COL18A1: variants seen among roughly 807,000 people sequenced by gnomAD.
COL18A1 encodes the protein collagen type XVIII alpha 1 chain, also known as collagen alpha-1(XVIII) chain.
A neutral mutation model predicts 168.0 loss-of-function variants in COL18A1; 133 were observed. That is an observed-to-expected ratio of 0.79 (90% confidence interval 0.69 to 0.91). The LOEUF (loss-of-function observed/expected upper bound fraction) is 0.91, where lower values mean the gene tolerates loss of function less well. Ranked by LOEUF, COL18A1 falls within the 40% of genes least tolerant of loss-of-function variation. The probability of loss-of-function intolerance (pLI) is 0.00; values close to 1 mark genes in which losing one functional copy is unlikely to be tolerated. For missense variants in COL18A1, 2,126 were observed against 1,925.4 expected (o/e 1.10, Z -1.95); for synonymous variants, 949 against 809.0 (o/e 1.17, Z -2.94).
chr21:45,504,936 T>G (rs2037101015), intron 34 of COL18A1, among the ~76,000 whole-genome samples, 198 bp from the exon 35 acceptor site: 1 of 151,932 alleles, frequency 6.6e-6, no homozygotes, highest in South Asian at 2.1e-4. Flanking sequence ...TGCTGGTCTC[T>G]CCCCCGGGAT....
At chr21:45,462,493 A>G (rs559171508) in intron 2 of COL18A1, among the ~76,000 whole-genome samples, 13 of 152,106 alleles carry the variant, frequency 8.5e-5, no homozygotes, top group South Asian at 8.3e-4. Context: ...CTTATCTTCA[A>G]GCTCATTAAT....
intron 40 of COL18A1, among the ~76,000 whole-genome samples, 178 bp from the exon 41 acceptor site, chr21:45,510,932 CA>C (rs10718078): frequency 0.014 from 2,007 of 141,938 alleles, 42 homozygotes; most frequent in African/African-American, 0.038. Context: ...CCCCACCCCC[CA>C]AAAAAACACA....
rs1210004522 is a variant in COL18A1, at chr21:45,479,899, C to T, written c.1249-3C>T. ...GACCGGGCCCCCGGATGTTGTGTTC[C>T]AGGGCGACACCGGGCCACAAGGCTT... is the stretch of plus-strand genomic sequence containing the variant. On this transcript the variant is annotated splice_region_variant and splice_polypyrimidine_tract_variant and intron_variant, in intron 9 of 41. Transcript: ENST00000651438. The T allele has an allele frequency of 9.3e-6, 15 of 1,613,326 alleles. No homozygotes were observed. Among genetic ancestry groups the T allele is most frequent in the Non-Finnish European group, 1.2e-5 (14 of 1,179,930 alleles).
chr21:45,480,866 C>T lies in COL18A1; in HGVS notation c.1611+8C>T. 1 of 1,609,030 alleles carries T rather than the reference C, an allele frequency of 6.2e-7. No homozygotes were observed. The highest frequency in any genetic ancestry group is 8.5e-7 in the Non-Finnish European group (1 of 1,178,848). ...GGGTTTCCTGGCCTCCCGGTAAGTCCTGCCTCCACCGTCAGTGTCGGGAGC... is the reference window on the plus strand; with the variant it reads ...GGGTTTCCTGGCCTCCCGGTAAGTCTTGCCTCCACCGTCAGTGTCGGGAGC... On this transcript the variant is annotated splice_region_variant and intron_variant, in intron 13 of 41. Transcript: ENST00000651438.
intron 2 of COL18A1, among the ~76,000 whole-genome samples, chr21:45,459,005 A>C (rs928702791): frequency 6.6e-6 from 1 of 152,126 alleles, no homozygotes; most frequent in Non-Finnish European, 1.5e-5. Context: ...GGGACTTTTC[A>C]CTGAACATCT....
chr21:45,512,714 C>A lies in COL18A1; in HGVS notation c.*316C>A. 1 of 435,006 alleles carries A rather than the reference C, an allele frequency of 2.3e-6. No individual in the cohort carries two copies. The highest frequency in any genetic ancestry group is 2.0e-5 in the African/African-American group (1 of 50,024). 26.9% of individuals were successfully genotyped at this position (435,006 alleles called of 1,614,324 possible). ...GCCTGATCAGACCACGGCTCGATTT[C>A]TCCAGGATTTCCTGCTTTGGGAAGC... On this transcript the variant is annotated 3_prime_UTR_variant, in exon 42 of 42. Coordinates refer to ENST00000651438, the MANE Select transcript of COL18A1 (RefSeq NM_001379500.1).
intron 2 of COL18A1, among the ~76,000 whole-genome samples, chr21:45,451,004 G>A (rs867224840): frequency 2.6e-5 from 4 of 152,226 alleles, no homozygotes; most frequent in African/African-American, 7.2e-5. Flanking sequence ...CTGCTCCGGC[G>A]GTGCCATCAC....
At chr21:45,411,816 C>G (rs111258613) in intron 2 of COL18A1, among the ~76,000 whole-genome samples, 1 of 149,830 alleles carries the variant, frequency 6.7e-6, no homozygotes, top group African/African-American at 2.5e-5. Flanking sequence ...GGGAGGGCCT[C>G]GCTTCTGATG....
rs866110499 is a variant in COL18A1 at position 45,468,073 on chromosome 21, C to T, written c.107-169C>T. On this transcript the variant is annotated intron_variant, in intron 2 of 41. Coordinates refer to ENST00000651438, the MANE Select transcript of COL18A1 (RefSeq NM_001379500.1). Reference sequence around the variant, plus strand: ...TTGGGAATGAGTGAACCAGGGTGGCCGTTGGGTGGCTGAGCCCAGGGGATC... The same window carrying T: ...TTGGGAATGAGTGAACCAGGGTGGCTGTTGGGTGGCTGAGCCCAGGGGATC... Among the ~76,000 whole-genome samples the T allele has an allele frequency of 3.9e-5, 6 of 152,164 alleles. No individual in the cohort carries two copies. In the South Asian group the frequency reaches 1.0e-3, roughly 26 times the overall value.
At position 45,499,097 on chromosome 21, in the gene COL18A1, GA is replaced by G. The variant is rs145565813; in HGVS notation, c.2683+1437del. ...TCGAAGGATCAACAATTAGAGTGAC[GA>G]GATTTCTCAACAAAACGGGAGAAGC... On this transcript the variant is annotated intron_variant, in intron 32 of 41. Transcript: ENST00000651438. Among the ~76,000 whole-genome samples the G allele has an allele frequency of 3.1e-3, 475 of 152,318 alleles. 1 individual carries two copies. The highest frequency in any genetic ancestry group is 4.6e-3 in the Non-Finnish European group (310 of 68,030).
intron 2 of COL18A1, among the ~76,000 whole-genome samples, chr21:45,431,874 G>A (rs2033973116): frequency 6.6e-6 from 1 of 152,184 alleles, no homozygotes; most frequent in African/African-American, 2.4e-5. Context: ...GGGTGAGTGG[G>A]TGGGTGGTCA....
At position 45,512,568 on chromosome 21, in the gene COL18A1, A is replaced by G. The variant is rs1568958269; in HGVS notation, c.*170A>G. 1.5e-6 allele frequency: 1 copy of G among 679,672 alleles called. No homozygotes were observed. The highest frequency in any genetic ancestry group is 2.7e-5 in the East Asian group (1 of 36,784). 42.1% of individuals were successfully genotyped at this position (679,672 alleles called of 1,614,324 possible). A position where few individuals can be genotyped will look rare whatever the true frequency, so the allele number is the denominator to read the frequency against. On this transcript the variant is annotated 3_prime_UTR_variant, in exon 42 of 42. Transcript: ENST00000651438. ...GAAATAAAAGGAAGCCAAAGAGTGT[A>G]TTTTTTTAAAAGTTTAAAACAGAAG...
At chr21:45,475,358 C>A in intron 4 of COL18A1, 118 bp from the exon 5 acceptor site, 1 of 922,246 alleles carries the variant, frequency 1.1e-6, no homozygotes, top group Non-Finnish European at 1.7e-6. Context: ...GAGGGCTGGA[C>A]GAGGCGAGAG....
rs531091975 is a variant in COL18A1, at chr21:45,465,199, C to T, written c.107-3043C>T. Among the ~76,000 whole-genome samples the T allele has an allele frequency of 1.4e-4, 21 of 152,354 alleles. No homozygotes were observed. The East Asian group carries it at 2.7e-3, about 20-fold the overall frequency. On this transcript the variant is annotated intron_variant, in intron 2 of 41. Coordinates refer to ENST00000651438, the MANE Select transcript of COL18A1 (RefSeq NM_001379500.1). ...CAGACACCTGCTCAGCCCCGACTGG[C>T]GGGTTCATCGCACAGCCTCGCCTTT...
In COL18A1 at chr21:45,438,206, GCACACACA is replaced by G. The variant is rs1270600632; in HGVS notation, c.107-30032_107-30025del. Among the ~76,000 whole-genome samples, 7 of 93,128 alleles carry G rather than the reference GCACACACA, an allele frequency of 7.5e-5. 1 individual carries two copies. The highest frequency in any genetic ancestry group is 1.1e-4 in the Admixed American group (1 of 9,062). The allele number at this position is 93,128 out of a possible 152,430, so 61.1% of individuals were successfully genotyped here. A position where few individuals can be genotyped will look rare whatever the true frequency, so the allele number is the denominator to read the frequency against. ...CACTCAGACACACAGGCACTCTCCT[GCACACACA>G]CACTCACACACTCAGACACACAGGC... On this transcript the variant is annotated intron_variant, in intron 2 of 41. Coordinates refer to ENST00000651438, the MANE Select transcript of COL18A1 (RefSeq NM_001379500.1).
intron 2 of COL18A1, among the ~76,000 whole-genome samples, chr21:45,437,174 G>GTACA (rs2034137981): frequency 1.2e-5 from 1 of 84,056 alleles, no homozygotes; most frequent in African/African-American, 7.7e-5. Context: ...GCACTCTCCT[G>GTACA]CACACACACT....
At chr21:45,454,819 G>A (rs781259168) in intron 2 of COL18A1, among the ~76,000 whole-genome samples, 1 of 152,244 alleles carries the variant, frequency 6.6e-6, no homozygotes, top group Non-Finnish European at 1.5e-5. Context: ...GGAGACTGAG[G>A]CCGGGAAGGA....
chr21:45,432,854 G>A (rs548314210), intron 2 of COL18A1, among the ~76,000 whole-genome samples: 1 of 152,282 alleles, frequency 6.6e-6, no homozygotes, highest in Non-Finnish European at 1.5e-5. Flanking sequence ...CGGTACAGCC[G>A]GGAGGGGCCT....
In COL18A1 at chr21:45,456,030, C is replaced by A. The variant is rs999764376; in HGVS notation, c.107-12212C>A. The A allele has an allele frequency of 6.8e-6, 11 of 1,609,722 alleles. No individual in the cohort carries two copies. Among genetic ancestry groups the A allele is most frequent in the Non-Finnish European group, 9.3e-6 (11 of 1,177,470 alleles). ...AGCACCCCCCAGGAGAATGGGACCA[C>A]TCTCTGGCCCAGCCGTGGCATTCCT... On this transcript the variant is annotated intron_variant, in intron 2 of 41. Coordinates refer to ENST00000651438, the MANE Select transcript of COL18A1 (RefSeq NM_001379500.1).
Sources: gnomAD v4.1 joint callset for allele counts (sites outside exome capture counted in the v4.1 genomes callset) on GRCh38, gnomAD v4.1.1 for gene constraint, MANE v1.5 for transcripts, NCBI Gene and HGNC (gene_info 2026-07-23, HGNC 2026-07-21) for gene names.